CHODL: variants seen among roughly 807,000 people sequenced by gnomAD.
CHODL encodes the protein transmembrane protein MT75.
Under a neutral mutation model 34.5 loss-of-function variants are expected in CHODL, and 29 were observed. The observed-to-expected ratio is 0.84, with a 90% confidence interval of 0.63 to 1.15. The LOEUF is 1.15. Ranked by LOEUF, CHODL falls within the 50% of genes most tolerant of loss-of-function variation. CHODL has a pLI of 0.00. For missense variants in CHODL, 332 were observed against 332.5 expected (o/e 1.00, Z 0.01); for synonymous variants, 125 against 116.1 (o/e 1.08, Z -0.49).
chr21:18,187,132 G>T (rs2073452151), intron 2 of CHODL, among the ~76,000 whole-genome samples: 1 of 152,134 alleles, frequency 6.6e-6, no homozygotes, highest in Non-Finnish European at 1.5e-5. Flanking sequence ...TTATCTGAGG[G>T]TTCTCATTTT....
chr21:17,958,793 T>C (rs888178668), intron 1 of CHODL, among the ~76,000 whole-genome samples: 7 of 152,146 alleles, frequency 4.6e-5, no homozygotes, highest in Non-Finnish European at 8.8e-5. Flanking sequence ...TAGAATTCCG[T>C]TCATTCTCTG....
At chr21:18,087,683 T>G (rs2065024216) in intron 2 of CHODL, among the ~76,000 whole-genome samples, 1 of 151,996 alleles carries the variant, frequency 6.6e-6, no homozygotes, top group African/African-American at 2.4e-5. Context: ...GCAGGGATCC[T>G]CCCAGGTAAG....
chr21:18,194,396 G>A (rs187874360), intron 2 of CHODL, among the ~76,000 whole-genome samples: 1 of 152,070 alleles, frequency 6.6e-6, no homozygotes, highest in Admixed American at 6.6e-5. Context: ...TGCCCTTTCT[G>A]TTCTCTGAAG....
At chr21:18,012,414 G>A (rs1820906614) in intron 1 of CHODL, among the ~76,000 whole-genome samples, 1 of 152,128 alleles carries the variant, frequency 6.6e-6, no homozygotes, top group African/African-American at 2.4e-5. Flanking sequence ...TATTTCCAAT[G>A]CATTCCTATG....
At chr21:17,942,509 T>G (rs144248343) in intron 1 of CHODL, among the ~76,000 whole-genome samples, 1 of 152,322 alleles carries the variant, frequency 6.6e-6, no homozygotes, top group African/African-American at 2.4e-5. Flanking sequence ...TCCATTAAAC[T>G]TCTTTCTTTT....
At chr21:18,008,171 A>T (rs1353204720) in intron 1 of CHODL, among the ~76,000 whole-genome samples, 1 of 152,060 alleles carries the variant, frequency 6.6e-6, no homozygotes, top group East Asian at 1.9e-4. Flanking sequence ...AGCTTTATTG[A>T]AGTATATACT....
intron 2 of CHODL, among the ~76,000 whole-genome samples, chr21:18,145,256 GA>G (rs1296158539): frequency 7.8e-3 from 1 of 128 alleles, no homozygotes; most frequent in Non-Finnish European, 0.015. Flanking sequence ...CTAACAAGGT[GA>G]AACCCCCGTC....
intron 2 of CHODL, among the ~76,000 whole-genome samples, chr21:18,148,990 A>C (rs1568911179): frequency 6.6e-6 from 1 of 151,852 alleles, no homozygotes. Context: ...CTTTGCCCTT[A>C]AGAACTGGCC....
chr21:18,159,358 A>T (rs1255234569), intron 2 of CHODL, among the ~76,000 whole-genome samples: 1 of 152,158 alleles, frequency 6.6e-6, no homozygotes, highest in East Asian at 1.9e-4. Context: ...TTAATATGGG[A>T]ACTATTTTGT....
At chr21:18,168,078 C>T (rs575537164) in intron 2 of CHODL, among the ~76,000 whole-genome samples, 1 of 152,252 alleles carries the variant, frequency 6.6e-6, no homozygotes, top group East Asian at 1.9e-4. Context: ...ACTCCAAGTT[C>T]TTCAACTTTT....
intron 1 of CHODL, among the ~76,000 whole-genome samples, chr21:18,003,840 T>C (rs1275898484): frequency 2.6e-5 from 4 of 152,230 alleles, no homozygotes; most frequent in African/African-American, 7.2e-5. Flanking sequence ...GGGTTCAGTA[T>C]GTACAAAATC....
chr21:18,190,948 GT>G (rs2073503765), intron 2 of CHODL, among the ~76,000 whole-genome samples: 1 of 152,242 alleles, frequency 6.6e-6, no homozygotes, highest in African/African-American at 2.4e-5. Context: ...TAAAAGGCCT[GT>G]TTTGGAGGTT....
intron 2 of CHODL, among the ~76,000 whole-genome samples, chr21:18,072,623 T>C (rs1369951113): frequency 6.6e-6 from 1 of 152,030 alleles, no homozygotes; most frequent in African/African-American, 2.4e-5. Context: ...GTATGTGTAG[T>C]AACAATTCTG....
At position 18,266,222 on chromosome 21, in the gene CHODL, G is replaced by A; in HGVS notation, c.*184G>A. On this transcript the variant is annotated 3_prime_UTR_variant, in exon 6 of 6. Transcript: ENST00000299295. ...TTATTTCATTTAAAGAATATGCTGTGCTAATAATGGAGTGAGACATGCTTA... is the reference window on the plus strand; with the variant it reads ...TTATTTCATTTAAAGAATATGCTGTACTAATAATGGAGTGAGACATGCTTA... The A allele has an allele frequency of 2.0e-6, 3 of 1,512,774 alleles. No homozygotes were observed. Among genetic ancestry groups the A allele is most frequent in the Non-Finnish European group, 2.7e-6 (3 of 1,130,062 alleles). The allele number at this position is 1,512,774 out of a possible 1,614,324, so 93.7% of individuals were successfully genotyped here.
chr21:18,093,997 T>C (rs2065107219), intron 2 of CHODL, among the ~76,000 whole-genome samples: 1 of 151,998 alleles, frequency 6.6e-6, no homozygotes, highest in African/African-American at 2.4e-5. Context: ...CCTATAAAGA[T>C]ACACATAGAC....
intron 2 of CHODL, among the ~76,000 whole-genome samples, chr21:18,198,247 T>C (rs1255868971): frequency 6.6e-6 from 1 of 152,306 alleles, no homozygotes; most frequent in East Asian, 1.9e-4. Flanking sequence ...TACATTCTGT[T>C]AATCTTGATA....
chr21:18,097,177 TC>T (rs1191618965), intron 2 of CHODL, among the ~76,000 whole-genome samples: 5 of 152,162 alleles, frequency 3.3e-5, no homozygotes, highest in African/African-American at 1.2e-4. Context: ...AAGGATGCCT[TC>T]TTTCATAACT....
intron 2 of CHODL, among the ~76,000 whole-genome samples, chr21:18,059,662 T>A (rs2064632520): frequency 1.3e-5 from 2 of 152,052 alleles, no homozygotes; most frequent in Non-Finnish European, 2.9e-5. Context: ...GCACCCCCAA[T>A]AGGGCCCAGT....
rs760442159 is a variant in CHODL at position 18,260,183 on chromosome 21, G to A, written c.548-17G>A. 1.9e-5 allele frequency: 25 copies of A among 1,320,824 alleles called. No individual in the cohort carries two copies. Among genetic ancestry groups the A allele is most frequent in the Non-Finnish European group, 2.4e-5 (23 of 965,252 alleles). The allele number at this position is 1,320,824 out of a possible 1,614,324, so 81.8% of individuals were successfully genotyped here. A position where few individuals can be genotyped will look rare whatever the true frequency, so the allele number is the denominator to read the frequency against. On this transcript the variant is annotated splice_polypyrimidine_tract_variant and intron_variant, in intron 3 of 5. Coordinates refer to ENST00000299295, the MANE Select transcript of CHODL (RefSeq NM_024944.3). ...TGTTTAATCATTATATATGATGGTGGTTCTTATTATTTACAGAGATTAATC... is the reference window on the plus strand; with the variant it reads ...TGTTTAATCATTATATATGATGGTGATTCTTATTATTTACAGAGATTAATC...
Sources: allele counts gnomAD v4.1 joint callset (sites outside exome capture counted in the v4.1 genomes callset), GRCh38; gene constraint gnomAD v4.1.1; transcripts MANE v1.5; gene names NCBI Gene and HGNC (gene_info 2026-07-23, HGNC 2026-07-21).